Variants in WDR72 observed in about 807,000 individuals in gnomAD.
WDR72 encodes the protein WD repeat-containing protein 72.
WDR72 carries 120 observed loss-of-function variants against 124.2 expected under a neutral mutation model. The observed-to-expected ratio is 0.97, with a 90% CI of 0.83 to 1.12. The LOEUF is 1.12. Among genes scored for constraint, WDR72 ranks in the 50% most tolerant of loss-of-function variants. WDR72 has a pLI of 0.00. For missense variants in WDR72, 1,387 were observed against 1,278.8 expected (o/e 1.08, Z -1.29); for synonymous variants, 452 against 441.7 (o/e 1.02, Z -0.29).
At chr15:53,745,154 A>C (rs999237333) in intron 1 of WDR72, among the ~76,000 whole-genome samples, 27 of 148,942 alleles carry the variant, frequency 1.8e-4, no homozygotes, top group Non-Finnish European at 1.5e-5. Context: ...TATCTATAAA[A>C]TGGAAAAAAA....
At chr15:53,605,468 C>T (rs1595788383) in intron 17 of WDR72, among the ~76,000 whole-genome samples, 1 of 152,212 alleles carries the variant, frequency 6.6e-6, no homozygotes, top group African/African-American at 2.4e-5. Context: ...AACAAACCTG[C>T]ACTTATACCC....
intron 2 of WDR72, among the ~76,000 whole-genome samples, chr15:53,727,144 T>A (rs2018063895): frequency 6.7e-6 from 1 of 148,852 alleles, no homozygotes. Flanking sequence ...AAACCCCATG[T>A]CTATTAAAAA....
intron 14 of WDR72, among the ~76,000 whole-genome samples, chr15:53,660,510 T>C (rs1441559483): frequency 2.0e-5 from 3 of 152,128 alleles, no homozygotes; most frequent in African/African-American, 4.8e-5. Context: ...ACAAGAGGTA[T>C]GAGAATAAAA....
At position 53,687,912 on chromosome 15, in the gene WDR72, A is replaced by G. The variant is rs1486675607; in HGVS notation, c.1765+11838T>C. On this transcript the variant is annotated intron_variant, in intron 13 of 19. Coordinates refer to ENST00000360509, the MANE Select transcript of WDR72 (RefSeq NM_182758.4). ...GGGATGCAAGGCTGGTTCAATATAC[A>G]CAAATCAATAAATGTAATCCAGCAT... 7.3e-5 allele frequency among the ~76,000 whole-genome samples: 11 copies of G among 149,838 alleles called. No homozygotes were observed. In the East Asian group the frequency reaches 1.6e-3, roughly 22 times the overall value.
At chr15:53,521,918 T>G (rs1478011950) in intron 19 of WDR72, among the ~76,000 whole-genome samples, 1 of 151,994 alleles carries the variant, frequency 6.6e-6, no homozygotes, top group Non-Finnish European at 1.5e-5. Flanking sequence ...CCTTTTAGAG[T>G]GAGACTCATC....
intron 13 of WDR72, among the ~76,000 whole-genome samples, chr15:53,678,840 T>C (rs2016270654): frequency 6.6e-6 from 1 of 152,082 alleles, no homozygotes; most frequent in African/African-American, 2.4e-5. Context: ...ACGATATGAA[T>C]AGATATTTGT....
intron 13 of WDR72, among the ~76,000 whole-genome samples, chr15:53,682,858 T>C (rs1424571670): frequency 1.3e-5 from 2 of 152,190 alleles, no homozygotes; most frequent in African/African-American, 4.8e-5. Flanking sequence ...ACCAGTTCTC[T>C]GTATTAGTCT....
At chr15:53,747,843 A>T (rs187618616) in intron 1 of WDR72, among the ~76,000 whole-genome samples, 97 of 152,302 alleles carry the variant, frequency 6.4e-4, no homozygotes, top group Middle Eastern at 3.4e-3. Context: ...TAGTAACCTC[A>T]CTTTTATTTA....
chr15:53,746,317 A>C (rs181574039), intron 1 of WDR72, among the ~76,000 whole-genome samples: 105 of 152,254 alleles, frequency 6.9e-4, no homozygotes, highest in African/African-American at 2.4e-3. Flanking sequence ...ACCTTGTCAT[A>C]AATAGCTGTC....
At chr15:53,677,935 G>GAAT (rs1481025991) in intron 13 of WDR72, among the ~76,000 whole-genome samples, 12 of 152,198 alleles carry the variant, frequency 7.9e-5, no homozygotes, top group African/African-American at 2.2e-4. Context: ...AGATCAGGAA[G>GAAT]AATAAGTGAC....
chr15:53,613,816 A>C (rs1478051676), intron 15 of WDR72, 59 bp from the exon 16 acceptor site: 11 of 1,247,912 alleles, frequency 8.8e-6, no homozygotes, highest in Non-Finnish European at 1.3e-5. Context: ...ATTTGAGGAA[A>C]TAAATCAAAG....
intron 18 of WDR72, among the ~76,000 whole-genome samples, chr15:53,582,795 C>T (rs1390924641): frequency 6.6e-6 from 1 of 151,982 alleles, no homozygotes. Flanking sequence ...AATTTATAAA[C>T]ATCGTACATT....
At chr15:53,523,150 C>A (rs762320161) in intron 19 of WDR72, 68 bp downstream of exon 19, 152 of 1,479,666 alleles carry the variant, frequency 1.0e-4, no homozygotes, top group Admixed American at 2.3e-4. Context: ...CCCTCACCCC[C>A]TTCCAAGGAC....
At chr15:53,720,792 G>A (rs569946228) in intron 3 of WDR72, among the ~76,000 whole-genome samples, 1 of 152,062 alleles carries the variant, frequency 6.6e-6, no homozygotes, top group East Asian at 1.9e-4. Context: ...ATCTCCAGTG[G>A]TTTATTTTCA....
At chr15:53,710,309 G>A (rs746604666) in intron 9 of WDR72, among the ~76,000 whole-genome samples, 13 of 151,934 alleles carry the variant, frequency 8.6e-5, no homozygotes, top group Non-Finnish European at 1.9e-4. Context: ...TTATCACAAG[G>A]GTCAGTGAAA....
intron 14 of WDR72, among the ~76,000 whole-genome samples, chr15:53,629,620 T>C (rs2014345352): frequency 6.6e-6 from 1 of 152,190 alleles, no homozygotes; most frequent in African/African-American, 2.4e-5. Context: ...AATATGCTCC[T>C]TCAAAAAGGC....
chr15:53,759,733 C>CGCCT (rs1595893957), upstream of WDR72: 2 of 151,622 alleles, frequency 1.3e-5, no homozygotes, highest in Admixed American at 6.6e-5. Flanking sequence ...CCGCCCCGCC[C>CGCCT]CGCCCCGGTC....
intron 14 of WDR72, among the ~76,000 whole-genome samples, chr15:53,661,218 G>A (rs1474333522): frequency 1.3e-5 from 2 of 152,102 alleles, no homozygotes; most frequent in African/African-American, 4.8e-5. Context: ...AGGAATACCT[G>A]ATGCTGAGTA....
intron 13 of WDR72, among the ~76,000 whole-genome samples, chr15:53,666,225 G>A (rs1349693955): frequency 6.6e-6 from 1 of 152,102 alleles, no homozygotes; most frequent in African/African-American, 2.4e-5. Context: ...GTAAGAACAC[G>A]GATGCTTTGT....
Sources: allele counts gnomAD v4.1 joint callset (sites outside exome capture counted in the v4.1 genomes callset), GRCh38; gene constraint gnomAD v4.1.1; transcripts MANE v1.5; gene names NCBI Gene and HGNC (gene_info 2026-07-23, HGNC 2026-07-21).